The following ADAMTS12 variants were observed in gnomAD, a reference collection of about 807,000 sequenced individuals.
ADAMTS12 encodes the protein A disintegrin and metalloproteinase with thrombospondin motifs 12.
A neutral mutation model predicts 167.8 loss-of-function variants in ADAMTS12; 118 were observed. The ratio of observed to expected loss-of-function variants is 0.70; its 90% confidence interval spans 0.61 to 0.82. ADAMTS12 has a LOEUF of 0.82. ADAMTS12 is among the 40% of genes least tolerant of loss of function. ADAMTS12 has a pLI of 0.00. For missense variants in ADAMTS12, 1,916 were observed against 1,998.8 expected (o/e 0.96, Z 0.79); for synonymous variants, 704 against 716.9 (o/e 0.98, Z 0.29).
At chr5:33,605,480 C>T (rs563281320) in intron 16 of ADAMTS12, among the ~76,000 whole-genome samples, 1 of 99,592 alleles carries the variant, frequency 1.0e-5, no homozygotes, top group Non-Finnish European at 2.1e-5. Context: ...AAAATGACAA[C>T]TGGAAAACTT....
At chr5:33,675,405 A>G (rs1741869246) in intron 5 of ADAMTS12, among the ~76,000 whole-genome samples, 1 of 152,196 alleles carries the variant, frequency 6.6e-6, no homozygotes, top group Non-Finnish European at 1.5e-5. Context: ...ATAAAATCTC[A>G]ACATAGGAGA....
intron 3 of ADAMTS12, among the ~76,000 whole-genome samples, chr5:33,699,381 C>T (rs1484297933): frequency 6.6e-6 from 1 of 151,192 alleles, no homozygotes; most frequent in Non-Finnish European, 1.5e-5. Context: ...AAAAAAAAAC[C>T]TTGACCTAAT....
chr5:33,661,785 T>A lies in ADAMTS12; in HGVS notation c.1040+131A>T, dbSNP rs1579810564. ...ATAGGGAAGTCAGGAGTTGACTAGATCAAAGACACTGTCTTTACAAGAGCA... is the reference window on the plus strand; with the variant it reads ...ATAGGGAAGTCAGGAGTTGACTAGAACAAAGACACTGTCTTTACAAGAGCA... On this transcript the variant is annotated intron_variant, in intron 6 of 23. Transcript: ENST00000504830. 7 of 1,308,638 alleles carry A rather than the reference T, an allele frequency of 5.3e-6. No homozygotes were observed. The East Asian group carries it at 1.7e-4, about 31-fold the overall frequency. 81.1% of individuals were successfully genotyped at this position (1,308,638 alleles called of 1,614,324 possible).
chr5:33,850,648 T>C (rs1294916993), intron 2 of ADAMTS12, among the ~76,000 whole-genome samples: 1 of 152,220 alleles, frequency 6.6e-6, no homozygotes, highest in Non-Finnish European at 1.5e-5. Context: ...AGTGTAAATA[T>C]CTACTCTGGA....
intron 16 of ADAMTS12, among the ~76,000 whole-genome samples, chr5:33,607,421 G>A (rs1462338912): frequency 6.6e-6 from 1 of 152,142 alleles, no homozygotes; most frequent in Non-Finnish European, 1.5e-5. Context: ...TCTCTAAGGA[G>A]AAAATAATTC....
intron 2 of ADAMTS12, among the ~76,000 whole-genome samples, chr5:33,762,213 A>T (rs114779547): frequency 0.023 from 3,369 of 149,456 alleles, 48 homozygotes; most frequent in Non-Finnish European, 0.037. Context: ...TAATAAAAAT[A>T]AAAAAATAAA....
At position 33,536,632 on chromosome 5, in the gene ADAMTS12, TG is replaced by T. The variant is rs1224182903; in HGVS notation, c.4447-1641del. On this transcript the variant is annotated intron_variant, in intron 22 of 23. Transcript: ENST00000504830. Reference sequence around the variant, plus strand: ...TTACGAGTGATTCCAAAGGCTGGCCTGGTAGGTGTTAACCACTCTCTCATTA... The same window carrying T: ...TTACGAGTGATTCCAAAGGCTGGCCTGTAGGTGTTAACCACTCTCTCATTA... Among the ~76,000 whole-genome samples the T allele has an allele frequency of 5.9e-5, 9 of 152,332 alleles. No homozygotes were observed. In the South Asian group the frequency reaches 1.7e-3, roughly 28 times the overall value.
chr5:33,722,937 C>CAAGG (rs1743856136), intron 3 of ADAMTS12, among the ~76,000 whole-genome samples: 1 of 152,034 alleles, frequency 6.6e-6, no homozygotes, highest in African/African-American at 2.4e-5. Context: ...GCTGCAGAAG[C>CAAGG]AAGGAAGGAA....
intron 2 of ADAMTS12, among the ~76,000 whole-genome samples, chr5:33,754,162 AC>A (rs1256790693): frequency 2.6e-5 from 4 of 152,012 alleles, no homozygotes; most frequent in Non-Finnish European, 5.9e-5. Context: ...GAAAAAAATC[AC>A]CCGTGGTTTG....
intron 3 of ADAMTS12, among the ~76,000 whole-genome samples, chr5:33,701,854 T>C (rs10075882): frequency 0.035 from 5,278 of 152,270 alleles, 262 homozygotes; most frequent in East Asian, 0.15. Flanking sequence ...ATCTTTCCCA[T>C]TGCCTGCCTT....
rs955962549 is a variant in ADAMTS12, at chr5:33,616,236, G to A, written c.2144-164C>T. Among the ~76,000 whole-genome samples, 9 of 152,176 alleles carry A rather than the reference G, an allele frequency of 5.9e-5. No homozygotes were observed. In the South Asian group the frequency reaches 6.2e-4, roughly 11 times the overall value. On this transcript the variant is annotated intron_variant, in intron 14 of 23. Coordinates refer to ENST00000504830, the MANE Select transcript of ADAMTS12 (RefSeq NM_030955.4). ...GAAGCACTACTTATGGGGGATTTTC[G>A]AGAACTTGGACACGAACAGAATTCT...
At chr5:33,813,866 C>T (rs570962206) in intron 2 of ADAMTS12, among the ~76,000 whole-genome samples, 3 of 152,290 alleles carry the variant, frequency 2.0e-5, no homozygotes, top group African/African-American at 7.2e-5. Flanking sequence ...AATTGCAAAA[C>T]TAACAAATTG....
chr5:33,839,860 T>C (rs887301134), intron 2 of ADAMTS12, among the ~76,000 whole-genome samples: 5 of 152,206 alleles, frequency 3.3e-5, no homozygotes, highest in African/African-American at 1.2e-4. Flanking sequence ...GTTTGCTTGG[T>C]AACTTCATGA....
At chr5:33,546,306 AG>A in intron 21 of ADAMTS12, 104 bp from the exon 22 acceptor site, 1 of 1,095,074 alleles carries the variant, frequency 9.1e-7, no homozygotes, top group Admixed American at 3.2e-5. Context: ...CAGTGTTACT[AG>A]GAATATTGGT....
chr5:33,749,689 G>A (rs541213035), intron 3 of ADAMTS12, among the ~76,000 whole-genome samples: 8 of 152,200 alleles, frequency 5.3e-5, no homozygotes, highest in Non-Finnish European at 1.2e-4. Context: ...TCTTGAGATC[G>A]GCCTAGAAGA....
chr5:33,683,778 G>T, intron 4 of ADAMTS12, 81 bp downstream of exon 4: 7 of 1,116,966 alleles, frequency 6.3e-6, no homozygotes, highest in Non-Finnish European at 8.3e-6. Flanking sequence ...ACCCCAAAAA[G>T]GCCTTTCTTA....
Position 33,880,221 on chromosome 5 carries a change from G to A in ADAMTS12, c.489+898C>T, listed in dbSNP as rs532636607. Among the ~76,000 whole-genome samples, 42 of 152,324 alleles carry A rather than the reference G, an allele frequency of 2.8e-4. No homozygotes were observed. The South Asian group carries it at 8.3e-3, about 30-fold the overall frequency. On this transcript the variant is annotated intron_variant, in intron 2 of 23. Transcript: ENST00000504830. ...TCCAAACTGTCTCATCTGCTAAAAC[G>A]AGGCAAAGTGGACAATGTACATAAA...
At chr5:33,681,403 G>T (rs1742104851) in intron 5 of ADAMTS12, among the ~76,000 whole-genome samples, 1 of 152,186 alleles carries the variant, frequency 6.6e-6, no homozygotes, top group African/African-American at 2.4e-5. Context: ...TGCTGGTTAA[G>T]CTCTATAGAT....
At chr5:33,550,165 C>A (rs78467475) in intron 20 of ADAMTS12, among the ~76,000 whole-genome samples, 4,061 of 152,222 alleles carry the variant, frequency 0.027, 90 homozygotes, top group East Asian at 0.086. Flanking sequence ...TCCCTTGGAC[C>A]GTGATAAACA....
Sources: gnomAD v4.1 joint callset for allele counts (sites outside exome capture counted in the v4.1 genomes callset) on GRCh38, gnomAD v4.1.1 for gene constraint, MANE v1.5 for transcripts, NCBI Gene and HGNC (gene_info 2026-07-23, HGNC 2026-07-21) for gene names.